The following TRPM2 variants were observed in gnomAD, a reference collection of about 807,000 sequenced individuals.
TRPM2 encodes transient receptor potential cation channel subfamily M member 2.
TRPM2 carries 161 observed loss-of-function variants against 174.0 expected under a neutral mutation model. The observed-to-expected ratio is 0.93, with a 90% CI of 0.81 to 1.05. The LOEUF is 1.05. Ranked by LOEUF, TRPM2 falls within the 50% of genes least tolerant of loss-of-function variation. TRPM2 has a pLI of 0.00. For missense variants in TRPM2, 2,057 were observed against 2,038.0 expected (o/e 1.01, Z -0.18); for synonymous variants, 954 against 861.3 (o/e 1.11, Z -1.88).
chr21:44,377,625 G>C (rs887191321), intron 6 of TRPM2, 87 bp from the exon 7 acceptor site: 5 of 1,566,468 alleles, frequency 3.2e-6, no homozygotes, highest in Non-Finnish European at 4.4e-6. Context: ...CCCCTCACTC[G>C]GCTCCATGCT....
intron 5 of TRPM2, among the ~76,000 whole-genome samples, chr21:44,374,558 G>A (rs57196461): frequency 2.6e-5 from 4 of 152,200 alleles, no homozygotes; most frequent in Non-Finnish European, 4.4e-5. Flanking sequence ...GCAGCTAGAC[G>A]GTCCCATCAT....
rs1269083798 is a variant in TRPM2, at chr21:44,369,198, G to T, written c.626G>T (p.Gly209Val). The stretch of plus-strand genomic sequence containing the variant: ...CCAGGGGCCTGGATCATCACAGGGG[G>T]GTCCCACACCGGCGTCATGAAGCAG... ...QTTGAWIITG[G>V]SHTGVMKQVG... is the part of the protein sequence containing the mutation. The change falls in exon 5 of 32, where the codon GGG (glycine) becomes GTG (valine). Residue 209 changes from glycine (G) to valine (V), a missense_variant. Transcript: ENST00000397928. 1.9e-6 allele frequency: 3 copies of T among 1,611,396 alleles called. No homozygotes were observed. The highest frequency in any genetic ancestry group is 2.5e-6 in the Non-Finnish European group (3 of 1,179,028).
At position 44,435,183 on chromosome 21, in the gene TRPM2, G is replaced by A. The variant is rs760364925; in HGVS notation, c.4027G>A (p.Gly1343Arg). The A allele has an allele frequency of 4.0e-5, 65 of 1,613,292 alleles. No individual in the cohort carries two copies. Among genetic ancestry groups the A allele is most frequent in the Admixed American group, 8.3e-5 (5 of 59,978 alleles). Reference sequence around the variant, plus strand: ...TGGGCGCGGGAGCCTCAGCTGCTTCGGACCCAACCACACGCTGTACCCCAT... The same window carrying A: ...TGGGCGCGGGAGCCTCAGCTGCTTCAGACCCAACCACACGCTGTACCCCAT... ...LRGRGSLSCFGPNHTLYPMVT... is the reference protein window; with the variant it reads ...LRGRGSLSCFRPNHTLYPMVT... Residue 1343 changes from glycine (G) to arginine (R), a missense_variant, in exon 28 of 32, where the codon GGA becomes AGA. Transcript: ENST00000397928.
At chr21:44,356,136 C>A (rs2048054026) in intron 2 of TRPM2, among the ~76,000 whole-genome samples, 1 of 135,614 alleles carries the variant, frequency 7.4e-6, no homozygotes, top group Non-Finnish European at 1.6e-5. Context: ...CCCGCCTCGG[C>A]CTCCCAAAGT....
chr21:44,406,978 TG>T (rs1475965886), intron 19 of TRPM2, among the ~76,000 whole-genome samples: 2 of 149,442 alleles, frequency 1.3e-5, no homozygotes, highest in Admixed American at 6.7e-5. Flanking sequence ...GGGGGCCTGG[TG>T]GGGGTGAGTG....
intron 28 of TRPM2, 40 bp from the exon 29 acceptor site, chr21:44,437,022 C>T (rs1014375833): frequency 7.4e-5 from 113 of 1,535,938 alleles, no homozygotes; most frequent in Non-Finnish European, 9.0e-5. Flanking sequence ...GGGTGGAGGC[C>T]GCAGCGGGTC....
chr21:44,395,603 C>T lies in TRPM2; in HGVS notation c.1932+52C>T, dbSNP rs1402314168. 1.9e-6 allele frequency: 3 copies of T among 1,606,788 alleles called. No individual in the cohort carries two copies. In the African/African-American group the frequency reaches 4.0e-5, roughly 21 times the overall value. ...GCAGACACAGCTATAGGCCAGCGGC[C>T]AGCTGGGGAGTGTGGCTGGAGAGAG... On this transcript the variant is annotated intron_variant, in intron 12 of 31. Coordinates refer to ENST00000397928, the MANE Select transcript of TRPM2 (RefSeq NM_003307.4).
At position 44,376,624 on chromosome 21, in the gene TRPM2, T is replaced by C. The variant is rs776120947; in HGVS notation, c.952+611T>C. Among the ~76,000 whole-genome samples the C allele has an allele frequency of 6.6e-6, 1 of 152,140 alleles. No individual in the cohort carries two copies. Among genetic ancestry groups the C allele is most frequent in the Non-Finnish European group, 1.5e-5 (1 of 68,024 alleles). On this transcript the variant is annotated intron_variant, in intron 6 of 31. Coordinates refer to ENST00000397928, the MANE Select transcript of TRPM2 (RefSeq NM_003307.4). This position sits in a 1 kb window ranked among gnomAD's most constrained non-coding sequence, Gnocchi z 4.2. ...ATGTACGATAGTCAAAACTTAGGATTTGATACCTTTTTCCTCATAGGTGGG... is the reference window on the plus strand; with the variant it reads ...ATGTACGATAGTCAAAACTTAGGATCTGATACCTTTTTCCTCATAGGTGGG...
In TRPM2 at chr21:44,439,543, C is replaced by T. The variant is rs2051411835; in HGVS notation, c.4269+375C>T. ...AGCTGCGCCCAAGGGTGCTGGGAAG[C>T]CAGCCCCTCCCTCAGACCTCGCCCC... On this transcript the variant is annotated intron_variant, in intron 30 of 31. Transcript: ENST00000397928. This position sits in a 1 kb window ranked among gnomAD's most constrained non-coding sequence, Gnocchi z 5.1. Among the ~76,000 whole-genome samples the T allele has an allele frequency of 6.6e-6, 1 of 152,136 alleles. No homozygotes were observed. Among genetic ancestry groups the T allele is most frequent in the Non-Finnish European group, 1.5e-5 (1 of 68,032 alleles).
chr21:44,374,780 C>T (rs2048646708), intron 5 of TRPM2, among the ~76,000 whole-genome samples: 1 of 152,194 alleles, frequency 6.6e-6, no homozygotes, highest in Admixed American at 6.5e-5. Context: ...CGTTCACCCA[C>T]CACCCACCTC....
rs745662476 is a variant in TRPM2, at chr21:44,441,757, CTA to C, written c.4454_4455del (p.Tyr1485CysfsTer13). On this transcript the variant is annotated frameshift_variant, in exon 32 of 32. Coordinates refer to ENST00000397928, the MANE Select transcript of TRPM2 (RefSeq NM_003307.4). LOFTEE classifies it high-confidence loss of function. The stretch of plus-strand genomic sequence containing the variant: ...AGGTGGTGGACAGGCGCATCCCACT[CTA>C]TGCGAACCACAAGACCCTCCTCCAG... ...WQVVDRRIPL[Y>X]ANHKTLLQKA... is the part of the protein sequence containing the mutation. 6.2e-7 allele frequency: 1 copy of C among 1,612,298 alleles called. No homozygotes were observed.
intron 9 of TRPM2, among the ~76,000 whole-genome samples, chr21:44,386,173 C>T (rs1236553043): frequency 1.3e-5 from 2 of 152,136 alleles, no homozygotes; most frequent in Non-Finnish European, 2.9e-5. Context: ...ATCACGAGGT[C>T]AGGAGATTGA....
intron 17 of TRPM2, 98 bp downstream of exon 17, chr21:44,405,358 C>T (rs1278820930): frequency 1.3e-6 from 2 of 1,540,008 alleles, no homozygotes; most frequent in Non-Finnish European, 1.8e-6. Flanking sequence ...CCGGGTGAGG[C>T]TCAGCTCGTC....
chr21:44,397,127 C>A (rs1417383333), intron 12 of TRPM2, among the ~76,000 whole-genome samples: 1 of 151,686 alleles, frequency 6.6e-6, no homozygotes, highest in African/African-American at 2.4e-5. Flanking sequence ...CAACCTCTGC[C>A]TACCGTGTTC....
intron 8 of TRPM2, among the ~76,000 whole-genome samples, chr21:44,381,611 T>G (rs1055462305): frequency 4.0e-5 from 6 of 151,212 alleles, no homozygotes; most frequent in African/African-American, 1.5e-4. Context: ...GACAGACAGG[T>G]GATAAAATGG....
At chr21:44,424,798 G>A in intron 23 of TRPM2, 54 bp from the exon 24 acceptor site, 1 of 1,293,460 alleles carries the variant, frequency 7.7e-7, no homozygotes. Context: ...AGTGGGGTGT[G>A]TACCATGCGT....
chr21:44,355,004 C>T (rs1004395651), intron 2 of TRPM2, among the ~76,000 whole-genome samples: 11 of 152,036 alleles, frequency 7.2e-5, no homozygotes, highest in African/African-American at 2.2e-4. Context: ...AGGGCACTGT[C>T]GCGCGGCGAG....
intron 3 of TRPM2, among the ~76,000 whole-genome samples, chr21:44,364,642 G>C (rs1198039327): frequency 2.6e-5 from 4 of 152,146 alleles, no homozygotes; most frequent in African/African-American, 9.7e-5. Flanking sequence ...GATGCGCTCA[G>C]GGTGTGCTGG....
rs1226262769 is a variant in TRPM2, at chr21:44,406,783, T to C, written c.2962+18T>C. 5 of 1,587,878 alleles carry C rather than the reference T, an allele frequency of 3.1e-6. No homozygotes were observed. The highest frequency in any genetic ancestry group is 2.3e-5 in the East Asian group (1 of 43,750). On this transcript the variant is annotated intron_variant, in intron 19 of 31. Transcript: ENST00000397928. ...CATCGACGGTAGGAGCCGGGCGCCATGGGAGCTCGGGTGGTGCTGCCGGGA... is the reference window on the plus strand; with the variant it reads ...CATCGACGGTAGGAGCCGGGCGCCACGGGAGCTCGGGTGGTGCTGCCGGGA...
Sources: gnomAD v4.1 joint callset for allele counts (sites outside exome capture counted in the v4.1 genomes callset) on GRCh38, gnomAD v4.1.1 for gene constraint, Gnocchi (gnomAD v3.1) non-coding constraint, MANE v1.5 for transcripts, NCBI Gene and HGNC (gene_info 2026-07-23, HGNC 2026-07-21) for gene names.